Variants in XPO1 observed in about 807,000 individuals in gnomAD.
The protein encoded by XPO1 is exportin-1.
Under a neutral mutation model 133.3 loss-of-function variants are expected in XPO1, and 5 were observed. The observed-to-expected ratio is 0.04, with a 90% CI of 0.02 to 0.08. The LOEUF (loss-of-function observed/expected upper bound fraction) is 0.08. Ranked by LOEUF, XPO1 falls within the 10% of genes least tolerant of loss-of-function variation. The pLI is 1.00. For synonymous variants in XPO1, 419 were observed against 408.2 expected (o/e 1.03, Z -0.32); for missense variants, 506 against 1,267.5 (o/e 0.40, Z 9.12).
intron 4 of XPO1, among the ~76,000 whole-genome samples, chr2:61,509,906 T>TA (rs1205346411): frequency 2.0e-5 from 3 of 152,174 alleles, no homozygotes; most frequent in Non-Finnish European, 4.4e-5. Context: ...TTCCATAAGC[T>TA]AAAAAAATGT....
chr2:61,512,638 C>G (rs2104633877), intron 4 of XPO1, among the ~76,000 whole-genome samples: 1 of 152,292 alleles, frequency 6.6e-6, no homozygotes, highest in African/African-American at 2.4e-5. Context: ...TCCACAGATC[C>G]AAGGCAATCT....
rs780965508 is a variant in XPO1, at chr2:61,488,551, T to C, written c.2206+37A>G. 11 of 1,585,868 alleles carry C rather than the reference T, an allele frequency of 6.9e-6. No individual in the cohort carries two copies. In the African/African-American group the frequency reaches 1.4e-4, roughly 20 times the overall value. ...AAGGCAGTAGAAGAGAAGTGGTTTGTTTATACTGCATTGTGTAAGAAATCA... is the reference window on the plus strand; with the variant it reads ...AAGGCAGTAGAAGAGAAGTGGTTTGCTTATACTGCATTGTGTAAGAAATCA... On this transcript the variant is annotated intron_variant, in intron 18 of 24. Transcript: ENST00000401558.
At chr2:61,510,234 A>G (rs1698021329) in intron 4 of XPO1, among the ~76,000 whole-genome samples, 1 of 152,200 alleles carries the variant, frequency 6.6e-6, no homozygotes, top group Non-Finnish European at 1.5e-5. Context: ...CCAAGATTGT[A>G]CTACTGCAAT....
At chr2:61,494,506 T>C (rs551726591) in intron 11 of XPO1, 18 of 162,812 alleles carry the variant, frequency 1.1e-4, no homozygotes, top group African/African-American at 2.9e-4. Flanking sequence ...TGGAAGAACA[T>C]TGAAAACACA....
chr2:61,514,441 T>C (rs1363786186), intron 4 of XPO1, among the ~76,000 whole-genome samples: 2 of 149,748 alleles, frequency 1.3e-5, no homozygotes, highest in Non-Finnish European at 3.0e-5. Context: ...AAATACAAAA[T>C]AATTAGCTGG....
chr2:61,503,721 G>A (rs1697659781), intron 4 of XPO1, among the ~76,000 whole-genome samples: 1 of 151,434 alleles, frequency 6.6e-6, no homozygotes, highest in Non-Finnish European at 1.5e-5. Context: ...ACTGCGCCCA[G>A]CACACCCAGC....
rs1696194796 is a variant in XPO1, at chr2:61,479,030, A to G, written c.3070-64T>C. 3 of 1,565,114 alleles carry G rather than the reference A, an allele frequency of 1.9e-6. No homozygotes were observed. The East Asian group carries it at 6.7e-5, about 35-fold the overall frequency. On this transcript the variant is annotated intron_variant, in intron 24 of 24. Transcript: ENST00000401558. ...TTCAACTTGCAAAGAAAGAAATCAT[A>G]GATGAGCAATTTCCTTTTTAGAGAA...
intron 18 of XPO1, 143 bp downstream of exon 18, chr2:61,488,445 A>T: frequency 8.9e-7 from 1 of 1,128,498 alleles, no homozygotes; most frequent in Non-Finnish European, 1.3e-6. Context: ...AGGTACACTT[A>T]ACTGTTTTAA....
At chr2:61,497,683 A>C (rs898895501) in intron 9 of XPO1, among the ~76,000 whole-genome samples, 3 of 152,210 alleles carry the variant, frequency 2.0e-5, no homozygotes, top group African/African-American at 7.2e-5. Flanking sequence ...AGTAATAAGA[A>C]TATGGGAAAA....
rs1267130152 is a variant in XPO1 at position 61,499,798 on chromosome 2, C to T, written c.505G>A (p.Val169Met). The part of the protein sequence containing the change: ...TSESLCQNNM[V>M]ILKLLSEEVF... ...TCTTCACTCAAGAGTTTAAGAATCACCATATTATTTTGACAGAGACTTTCG... is the reference window on the plus strand; with the variant it reads ...TCTTCACTCAAGAGTTTAAGAATCATCATATTATTTTGACAGAGACTTTCG... Residue 169 changes from valine to methionine, a missense_variant, in exon 7 of 25, where the codon GTG becomes ATG. This residue lies in a region of XPO1 where 68 missense variants were observed against 210.5 expected (regional missense o/e 0.32). Transcript: ENST00000401558. 1.2e-6 allele frequency: 2 copies of T among 1,613,348 alleles called. No individual in the cohort carries two copies. The highest frequency in any genetic ancestry group is 1.7e-6 in the Non-Finnish European group (2 of 1,179,876).
chr2:61,518,420 ACACACACACAC>A (rs1698514752), intron 4 of XPO1, among the ~76,000 whole-genome samples: 8 of 16,398 alleles, frequency 4.9e-4, no homozygotes, highest in African/African-American at 2.9e-3. Flanking sequence ...AAAACAAAAC[ACACACACACAC>A]ACACACACAC....
At chr2:61,509,742 T>C (rs1363376367) in intron 4 of XPO1, among the ~76,000 whole-genome samples, 2 of 152,190 alleles carry the variant, frequency 1.3e-5, no homozygotes, top group African/African-American at 2.4e-5. Flanking sequence ...TCTGGAACAC[T>C]TCTCATCCCA....
intron 3 of XPO1, chr2:61,526,216 A>C: frequency 7.2e-7 from 1 of 1,379,730 alleles, no homozygotes; most frequent in Non-Finnish European, 9.3e-7. Flanking sequence ...CACCTTGCAT[A>C]CTAGTCCCAT....
chr2:61,491,795 G>A (rs537689146), intron 16 of XPO1, among the ~76,000 whole-genome samples: 4 of 151,734 alleles, frequency 2.6e-5, no homozygotes, highest in East Asian at 2.0e-4. Context: ...AGCTACCCAC[G>A]AGGCCAAGGT....
Position 61,499,697 on chromosome 2 carries a change from C to A in XPO1, c.590+16G>T, listed in dbSNP as rs1322150138. The A allele has an allele frequency of 3.6e-5, 56 of 1,555,770 alleles. No individual in the cohort carries two copies. Among genetic ancestry groups the A allele is most frequent in the Non-Finnish European group, 4.7e-5 (54 of 1,157,982 alleles). Reference sequence around the variant, plus strand: ...GAGAAATCACTTTAAAATTCTAAAACATAATTATTACTTGCCTGTCTTTTA... The same window carrying A: ...GAGAAATCACTTTAAAATTCTAAAAAATAATTATTACTTGCCTGTCTTTTA... On this transcript the variant is annotated intron_variant, in intron 7 of 24. Transcript: ENST00000401558.
rs559957222 is a variant in XPO1, at chr2:61,530,054, A to C, written c.127-3533T>G. 5.9e-5 allele frequency among the ~76,000 whole-genome samples: 9 copies of C among 152,372 alleles called. No homozygotes were observed. In the South Asian group the frequency reaches 1.7e-3, roughly 28 times the overall value. On this transcript the variant is annotated intron_variant, in intron 2 of 24. Transcript: ENST00000401558. ...TGTGGCTTATCTAGGGCCAAAGCAC[A>C]TTTTAGCAGTGTTTTGGTCTTCTCC...
chr2:61,483,825 T>A (rs758025230), intron 21 of XPO1, 112 bp downstream of exon 21: 100 of 1,220,816 alleles, frequency 8.2e-5, no homozygotes, highest in Non-Finnish European at 1.1e-4. Context: ...TGTTCATATA[T>A]GTAATTCACA....
rs879291606 is a variant in XPO1 at position 61,520,487 on chromosome 2, T to TAAA, written c.301+2121_301+2123dup. Among the ~76,000 whole-genome samples the TAAA allele has an allele frequency of 2.8e-5, 4 of 143,786 alleles. No homozygotes were observed. The Admixed American group carries it at 2.8e-4, about 10-fold the overall frequency. The allele number at this position is 143,786 out of a possible 152,430, so 94.3% of individuals were successfully genotyped here. On this transcript the variant is annotated intron_variant, in intron 4 of 24. Coordinates refer to ENST00000401558, the MANE Select transcript of XPO1 (RefSeq NM_003400.4). ...GCGAGACACCATCCCTACAAAACAT[T>TAAA]AAAAAAAAAAAAAATTTAGTAGGGC...
intron 9 of XPO1, 72 bp from the exon 10 acceptor site, chr2:61,497,079 A>G: frequency 1.3e-6 from 2 of 1,528,228 alleles, no homozygotes; most frequent in Non-Finnish European, 1.8e-6. Context: ...TTCACAATTA[A>G]AAGGAAAAAG....
Sources: allele counts gnomAD v4.1 joint callset (sites outside exome capture counted in the v4.1 genomes callset), GRCh38; gene constraint gnomAD v4.1.1; regional missense constraint gnomAD v4.1.1; transcripts MANE v1.5; gene names NCBI Gene and HGNC (gene_info 2026-07-23, HGNC 2026-07-21).